Variants in ZSWIM5 observed in about 807,000 individuals in gnomAD.
ZSWIM5 encodes zinc finger SWIM domain-containing protein 5.
ZSWIM5 carries 55 observed loss-of-function variants against 119.6 expected under a neutral mutation model. That is an observed-to-expected ratio of 0.46 (90% CI 0.37 to 0.58). The LOEUF is 0.58. Ranked by LOEUF, ZSWIM5 falls within the 20% of genes least tolerant of loss-of-function variation. The pLI, the probability that ZSWIM5 is intolerant of heterozygous loss-of-function variation, is 0.00. For missense variants in ZSWIM5, 1,193 were observed against 1,512.8 expected (o/e 0.79, Z 3.51); for synonymous variants, 537 against 606.9 (o/e 0.88, Z 1.69).
chr1:45,036,310 C>T lies in ZSWIM5; in HGVS notation c.1895-11G>A. On this transcript the variant is annotated splice_polypyrimidine_tract_variant and intron_variant, in intron 8 of 13. Coordinates refer to ENST00000359600, the MANE Select transcript of ZSWIM5 (RefSeq NM_020883.2). The stretch of plus-strand genomic sequence containing the variant: ...TGCTTTCATTCATATCTGAGGGCAA[C>T]AGGGCACCAAATTCTTTAGGTTAGG... The T allele has an allele frequency of 9.3e-6, 15 of 1,604,792 alleles. No homozygotes were observed. Among genetic ancestry groups the T allele is most frequent in the Non-Finnish European group, 1.3e-5 (15 of 1,175,432 alleles).
At chr1:45,097,585 T>C (rs185091611) in intron 1 of ZSWIM5, among the ~76,000 whole-genome samples, 1 of 152,358 alleles carries the variant, frequency 6.6e-6, no homozygotes, top group East Asian at 1.9e-4. Context: ...ATTGCATGAT[T>C]ATAGTCGTGG....
chr1:45,130,391 CACAA>C (rs1009255634), intron 1 of ZSWIM5, among the ~76,000 whole-genome samples: 2 of 149,668 alleles, frequency 1.3e-5, no homozygotes, highest in Admixed American at 1.3e-4. Context: ...CACACACACA[CACAA>C]AACCCAAAAA....
chr1:45,132,948 C>CT (rs1481206606), intron 1 of ZSWIM5, among the ~76,000 whole-genome samples: 2 of 152,016 alleles, frequency 1.3e-5, no homozygotes, highest in African/African-American at 4.8e-5. Flanking sequence ...TGAACTCATC[C>CT]TTTTTTATGG....
chr1:45,132,082 A>G (rs1163000830), intron 1 of ZSWIM5, among the ~76,000 whole-genome samples: 1 of 149,748 alleles, frequency 6.7e-6, no homozygotes, highest in Non-Finnish European at 1.5e-5. Context: ...ATAATAATAT[A>G]TAATTTTACA....
At chr1:45,154,287 C>A (rs963585589) in intron 1 of ZSWIM5, among the ~76,000 whole-genome samples, 5 of 152,000 alleles carry the variant, frequency 3.3e-5, no homozygotes, top group African/African-American at 1.2e-4. Context: ...GCCCACATAG[C>A]CAAAGCTGGA....
chr1:45,107,713 GAAC>G (rs1250950516), intron 1 of ZSWIM5, among the ~76,000 whole-genome samples: 3 of 150,618 alleles, frequency 2.0e-5, no homozygotes, highest in Non-Finnish European at 4.4e-5. Context: ...AAGACTTACA[GAAC>G]AACTTACCTC....
chr1:45,161,555 T>C (rs1398833877), intron 1 of ZSWIM5, among the ~76,000 whole-genome samples: 1 of 152,210 alleles, frequency 6.6e-6, no homozygotes, highest in African/African-American at 2.4e-5. Context: ...CAAAGTATAC[T>C]ATGGTCTGTC....
In ZSWIM5 at chr1:45,206,048, G is replaced by A. The variant is rs756392306; in HGVS notation, c.303C>T (p.Ser101=). Residue 101 remains serine (S), a synonymous_variant, in exon 1 of 14, where the codon TCC becomes TCT. Transcript: ENST00000359600. ...AGATCTCCCGCTCATTCCGCGGGAA[G>A]GACCAGTAGACGATGCGGCGCTGCA... The part of the protein sequence containing the change: ...EPVQRRIVYW[S]FPRNEREICM... 1.9e-6 allele frequency: 3 copies of A among 1,608,354 alleles called. No individual in the cohort carries two copies. Among genetic ancestry groups the A allele is most frequent in the African/African-American group, 1.3e-5 (1 of 74,298 alleles).
intron 1 of ZSWIM5, among the ~76,000 whole-genome samples, chr1:45,181,279 T>C (rs1446459437): frequency 2.0e-5 from 3 of 151,924 alleles, no homozygotes; most frequent in South Asian, 4.2e-4. Context: ...AAGAACTACG[T>C]GAAGAATGCA....
At chr1:45,068,792 C>CTT (rs758235271) in intron 2 of ZSWIM5, among the ~76,000 whole-genome samples, 13 of 46,730 alleles carry the variant, frequency 2.8e-4, no homozygotes, top group East Asian at 9.8e-4. Context: ...TGTTGTATGT[C>CTT]TTTTTTTTTT....
At chr1:45,177,757 A>G (rs2149047539) in intron 1 of ZSWIM5, among the ~76,000 whole-genome samples, 1 of 152,142 alleles carries the variant, frequency 6.6e-6, no homozygotes, top group African/African-American at 2.4e-5. Context: ...CTTTAATAAC[A>G]CAATAGCACA....
chr1:45,109,268 A>G (rs1213849513), intron 1 of ZSWIM5, among the ~76,000 whole-genome samples: 1 of 152,220 alleles, frequency 6.6e-6, no homozygotes, highest in Admixed American at 6.5e-5. Flanking sequence ...ATACATTCAC[A>G]TCACCCATGG....
chr1:45,034,762 T>A (rs141533923), intron 10 of ZSWIM5, among the ~76,000 whole-genome samples: 2 of 152,144 alleles, frequency 1.3e-5, no homozygotes, highest in Non-Finnish European at 2.9e-5. Context: ...AATACATTTT[T>A]AAAAAGAATC....
chr1:45,129,948 A>T (rs949558177), intron 1 of ZSWIM5, among the ~76,000 whole-genome samples: 1 of 151,988 alleles, frequency 6.6e-6, no homozygotes, highest in African/African-American at 2.4e-5. Context: ...CCCAGGCTGC[A>T]GTGCAGCAGT....
At chr1:45,151,303 G>C (rs1474510980) in intron 1 of ZSWIM5, among the ~76,000 whole-genome samples, 4 of 151,898 alleles carry the variant, frequency 2.6e-5, no homozygotes, top group Non-Finnish European at 5.9e-5. Flanking sequence ...TGAGGGCTGA[G>C]ATAAAAGTCT....
intron 1 of ZSWIM5, among the ~76,000 whole-genome samples, chr1:45,150,488 G>A (rs1240672876): frequency 1.3e-5 from 2 of 152,064 alleles, no homozygotes; most frequent in Non-Finnish European, 2.9e-5. Flanking sequence ...CTGAGTTTGA[G>A]GCAGAAGAAA....
intron 1 of ZSWIM5, among the ~76,000 whole-genome samples, chr1:45,184,772 A>C (rs1646046707): frequency 6.6e-6 from 1 of 152,120 alleles, no homozygotes. Context: ...ATGGAAGAAC[A>C]TTCCATGCTC....
chr1:45,192,223 T>C (rs1280737348), intron 1 of ZSWIM5, among the ~76,000 whole-genome samples: 2 of 152,170 alleles, frequency 1.3e-5, no homozygotes, highest in Non-Finnish European at 2.9e-5. Context: ...CTCCTACCTA[T>C]CTCCAGAATT....
At chr1:45,129,959 G>C (rs541680296) in intron 1 of ZSWIM5, among the ~76,000 whole-genome samples, 10 of 151,970 alleles carry the variant, frequency 6.6e-5, no homozygotes, top group Admixed American at 6.5e-4. Flanking sequence ...GTGCAGCAGT[G>C]TGATCTCAGC....
Sources: allele counts gnomAD v4.1 joint callset (sites outside exome capture counted in the v4.1 genomes callset), GRCh38; gene constraint gnomAD v4.1.1; transcripts MANE v1.5; gene names NCBI Gene and HGNC (gene_info 2026-07-23, HGNC 2026-07-21).